The following CBX7 variants were observed in gnomAD, a reference collection of about 807,000 sequenced individuals.
CBX7 encodes chromobox protein homolog 7.
A neutral mutation model predicts 31.4 loss-of-function variants in CBX7; 14 were observed. That is an observed-to-expected ratio of 0.45 (90% CI 0.29 to 0.70). The LOEUF is 0.70. CBX7 is among the 30% of genes least tolerant of loss of function. The pLI is 0.11. For synonymous variants in CBX7, 159 were observed against 152.6 expected, an observed-to-expected ratio of 1.04 and a Z score of -0.31; for missense variants, 269 against 351.9, an observed-to-expected ratio of 0.76 and a Z score of 1.89.
At chr22:39,143,802 ACT>A (rs1364374064) in intron 2 of CBX7, among the ~76,000 whole-genome samples, 1 of 151,964 alleles carries the variant, frequency 6.6e-6, no homozygotes, top group African/African-American at 2.4e-5. Flanking sequence ...GGAGCAGCAG[ACT>A]CTATTACACA....
chr22:39,149,210 C>CCCAA (rs1930767284), intron 2 of CBX7: 2 of 152,720 alleles, frequency 1.3e-5, no homozygotes. Flanking sequence ...TAGTTCAAGT[C>CCCAA]CCAACTCTGC....
intron 2 of CBX7, among the ~76,000 whole-genome samples, chr22:39,142,192 G>C (rs936484649): frequency 6.6e-6 from 1 of 152,188 alleles, no homozygotes; most frequent in Non-Finnish European, 1.5e-5. Context: ...AAGGACTCTT[G>C]TGCTGATGAG....
Position 39,133,648 on chromosome 22 carries a change from A to C in CBX7, c.*243T>G. 2.4e-6 allele frequency: 1 copy of C among 409,812 alleles called. No individual in the cohort carries two copies. Among genetic ancestry groups the C allele is most frequent in the Non-Finnish European group, 4.4e-6 (1 of 227,930 alleles). 25.4% of individuals were successfully genotyped at this position (409,812 alleles called of 1,614,324 possible). A position where few individuals can be genotyped will look rare whatever the true frequency, so the allele number is the denominator to read the frequency against. On this transcript the variant is annotated 3_prime_UTR_variant, in exon 6 of 6. Transcript: ENST00000216133. ...GTCCCGGGCAGGTGATCCTGTCCCC[A>C]TCCTGCCCTGGGGGTGGTACCCCAA...
rs899331217 is a variant in CBX7 at position 39,152,136 on chromosome 22, T to C, written c.69+240A>G. ...CGCTGAGGATCCCTACGTCCGATCC[T>C]AATCTCCAGCTCAGGCAGGCTCGGC... On this transcript the variant is annotated intron_variant, in intron 1 of 5. Transcript: ENST00000216133. The surrounding 1 kb of genome is among the most constrained non-coding windows in gnomAD (Gnocchi z 4.9). Among the ~76,000 whole-genome samples the C allele has an allele frequency of 1.3e-5, 2 of 152,168 alleles. No homozygotes were observed. The highest frequency in any genetic ancestry group is 2.9e-5 in the Non-Finnish European group (2 of 68,006).
chr22:39,136,214 C>T (rs1287396089), intron 4 of CBX7: 2 of 152,026 alleles, frequency 1.3e-5, no homozygotes, highest in Non-Finnish European at 2.9e-5. Flanking sequence ...CGGGTGCCAA[C>T]AGTCAGGTCC....
At position 39,134,546 on chromosome 22, in the gene CBX7, G is replaced by A. The variant is rs1336810192; in HGVS notation, c.453C>T (p.Leu151=). 1 of 1,609,862 alleles carries A rather than the reference G, an allele frequency of 6.2e-7. No individual in the cohort carries two copies. The highest frequency in any genetic ancestry group is 8.5e-7 in the Non-Finnish European group (1 of 1,178,690). Residue 151 remains leucine, a synonymous_variant, in exon 5 of 6, where the codon CTC becomes CTT. Coordinates refer to ENST00000216133, the MANE Select transcript of CBX7 (RefSeq NM_175709.5). ...KPRKAHKYLR[L]SRKKFPPRGP... ...CGCGGGGCGGGAACTTCTTGCGCGA[G>A]AGCCGCAGGTACTTGTGGGCCTTTC...
rs943415343 is a variant in CBX7, at chr22:39,133,829, A to G, written c.*62T>C. The stretch of plus-strand genomic sequence containing the variant: ...ATTACCCCGCCCCCAACCCATCCCT[A>G]TCTCTGGAAGTCCCACCCCAAGCCC... On this transcript the variant is annotated 3_prime_UTR_variant, in exon 6 of 6. Transcript: ENST00000216133. 78 of 1,446,548 alleles carry G rather than the reference A, an allele frequency of 5.4e-5. No homozygotes were observed. Among genetic ancestry groups the G allele is most frequent in the Non-Finnish European group, 6.8e-5 (73 of 1,076,414 alleles). The allele number at this position is 1,446,548 out of a possible 1,614,324, so 89.6% of individuals were successfully genotyped here.
In CBX7 at chr22:39,152,325, G is replaced by A. The variant is rs1296322990; in HGVS notation, c.69+51C>T. On this transcript the variant is annotated intron_variant, in intron 1 of 5. Transcript: ENST00000216133. This position sits in a 1 kb window ranked among gnomAD's most constrained non-coding sequence, Gnocchi z 4.9. The stretch of plus-strand genomic sequence containing the variant: ...CCAGCGTGGAGGGAGCGGTGCTGGG[G>A]ACGGGAGGGACCCCACTGGGGTCCT... 2 of 1,246,674 alleles carry A rather than the reference G, an allele frequency of 1.6e-6. No individual in the cohort carries two copies. The highest frequency in any genetic ancestry group is 2.1e-6 in the Non-Finnish European group (2 of 962,422). 77.2% of individuals were successfully genotyped at this position (1,246,674 alleles called of 1,614,324 possible).
chr22:39,144,821 T>A (rs1314575975), intron 2 of CBX7, among the ~76,000 whole-genome samples: 1 of 152,240 alleles, frequency 6.6e-6, no homozygotes, highest in Non-Finnish European at 1.5e-5. Flanking sequence ...ACAGCAGGTG[T>A]GCGGCCGGGA....
At position 39,134,483 on chromosome 22, in the gene CBX7, G is replaced by C. The variant is rs140208935; in HGVS notation, c.516C>G (p.Leu172=). ...CTGGGGCCGGTGGCTCCTGCAGGAA[G>C]AGCTCCCGTCGATGGCTGTGGCTCT... ...NLESHSHRRE[L]FLQEPPAPDV... The change falls in exon 5 of 6, where the codon CTC becomes CTG. Residue 172 remains leucine, a synonymous_variant. Transcript: ENST00000216133. The C allele has an allele frequency of 3.1e-5, 50 of 1,610,514 alleles. No individual in the cohort carries two copies. The highest frequency in any genetic ancestry group is 4.2e-5 in the Non-Finnish European group (49 of 1,179,852).
chr22:39,136,411 T>C (rs947268297), intron 4 of CBX7: 10 of 152,560 alleles, frequency 6.6e-5, no homozygotes, highest in African/African-American at 2.2e-4. Flanking sequence ...TAAAAGACAC[T>C]GTGGCTTCTT....
At position 39,152,535 on chromosome 22, in the gene CBX7, G is replaced by T. The variant is rs889392164; in HGVS notation, c.-91C>A. ...TGCGGCGCGCGATGCTGGGGCTGGC[G>T]GGGTCCCCGTCACCCTCGTCCGGGC... On this transcript the variant is annotated 5_prime_UTR_variant, in exon 1 of 6. Coordinates refer to ENST00000216133, the MANE Select transcript of CBX7 (RefSeq NM_175709.5). This position sits in a 1 kb window ranked among gnomAD's most constrained non-coding sequence, Gnocchi z 4.9. 6 of 519,986 alleles carry T rather than the reference G, an allele frequency of 1.2e-5. No homozygotes were observed. Among genetic ancestry groups the T allele is most frequent in the African/African-American group, 1.0e-4 (5 of 48,080 alleles). 32.2% of individuals were successfully genotyped at this position (519,986 alleles called of 1,614,324 possible).
intron 2 of CBX7, chr22:39,149,584 A>G (rs1199117812): frequency 1.7e-6 from 1 of 589,890 alleles, no homozygotes; most frequent in Admixed American, 3.0e-5. Context: ...CAGGGTGAGA[A>G]GAGAAGCTGG....
At chr22:39,140,117 C>G (rs1296592555) in intron 3 of CBX7, among the ~76,000 whole-genome samples, 2 of 152,210 alleles carry the variant, frequency 1.3e-5, no homozygotes, top group African/African-American at 4.8e-5. Context: ...ACGTGGACAA[C>G]AGAAAGAATG....
chr22:39,133,905 T>C lies in CBX7; in HGVS notation c.742A>G (p.Ser248Gly). Residue 248 changes from serine to glycine, a missense_variant, in exon 6 of 6, where the codon AGT becomes GGT. This residue lies in a region of CBX7 where 222 missense variants were observed against 240.4 expected (regional missense o/e 0.92). Transcript: ENST00000216133. ...QAAEGFFRDR[S>G]GKF Reference sequence around the variant, plus strand: ...AAAACGGTGATTCAGAACTTCCCACTGCGGTCTCGGAAGAAGCCCTCAGCT... The same window carrying C: ...AAAACGGTGATTCAGAACTTCCCACCGCGGTCTCGGAAGAAGCCCTCAGCT... 1.2e-6 allele frequency: 2 copies of C among 1,610,620 alleles called. No homozygotes were observed. The highest frequency in any genetic ancestry group is 1.7e-6 in the Non-Finnish European group (2 of 1,178,092).
At chr22:39,148,747 A>C (rs1342612060) in intron 2 of CBX7, 1 of 152,340 alleles carries the variant, frequency 6.6e-6, no homozygotes, top group Non-Finnish European at 1.5e-5. Context: ...TTCATCCGAT[A>C]GGGCCACCAA....
In CBX7 at chr22:39,152,476, G is replaced by A. The variant is rs1930897875; in HGVS notation, c.-32C>T. The A allele has an allele frequency of 4.9e-6, 5 of 1,011,478 alleles. No individual in the cohort carries two copies. The highest frequency in any genetic ancestry group is 6.0e-6 in the Non-Finnish European group (5 of 836,888). The allele number at this position is 1,011,478 out of a possible 1,614,324, so 62.7% of individuals were successfully genotyped here. On this transcript the variant is annotated 5_prime_UTR_variant, in exon 1 of 6. Coordinates refer to ENST00000216133, the MANE Select transcript of CBX7 (RefSeq NM_175709.5). This position sits in a 1 kb window ranked among gnomAD's most constrained non-coding sequence, Gnocchi z 4.9. Reference sequence around the variant, plus strand: ...CGGCGGGCGAGCGGGCCCGGGGCCGGGCCGGGCCGGGGGCGGAGCTGCGGG... The same window carrying A: ...CGGCGGGCGAGCGGGCCCGGGGCCGAGCCGGGCCGGGGGCGGAGCTGCGGG...
chr22:39,138,188 A>AT (rs1439724992), intron 4 of CBX7, among the ~76,000 whole-genome samples: 4 of 151,872 alleles, frequency 2.6e-5, no homozygotes, highest in African/African-American at 7.3e-5. Context: ...GTCTCAAAAA[A>AT]AAAAAAAAAA....
chr22:39,145,238 A>T (rs1930603737), intron 2 of CBX7, among the ~76,000 whole-genome samples: 1 of 152,086 alleles, frequency 6.6e-6, no homozygotes, highest in Non-Finnish European at 1.5e-5. Flanking sequence ...CGGCACCAGC[A>T]TCTTAATTGT....
Sources: gnomAD v4.1 joint callset for allele counts (sites outside exome capture counted in the v4.1 genomes callset) on GRCh38, gnomAD v4.1.1 for gene constraint, gnomAD v4.1.1 regional missense constraint, Gnocchi (gnomAD v3.1) non-coding constraint, MANE v1.5 for transcripts, NCBI Gene and HGNC (gene_info 2026-07-23, HGNC 2026-07-21) for gene names.